The following CCDC85C variants were observed in gnomAD, a reference collection of about 807,000 sequenced individuals.
CCDC85C encodes the protein coiled-coil domain containing 85C.
CCDC85C carries 18 observed loss-of-function variants against 38.3 expected under a neutral mutation model. The ratio of observed to expected loss-of-function variants is 0.47; its 90% CI spans 0.33 to 0.70. The LOEUF (loss-of-function observed/expected upper bound fraction) is 0.70, where lower values mean the gene tolerates loss of function less well. Among genes scored for constraint, CCDC85C ranks in the 30% least tolerant of loss-of-function variants. CCDC85C has a pLI of 0.03. For synonymous variants in CCDC85C, 264 were observed against 293.8 expected, an observed-to-expected ratio of 0.90 and a Z score of 1.04; for missense variants, 566 against 621.2, an observed-to-expected ratio of 0.91 and a Z score of 0.94.
intron 1 of CCDC85C, among the ~76,000 whole-genome samples, chr14:99,551,085 G>T (rs12372922): frequency 6.6e-6 from 1 of 152,094 alleles, no homozygotes; most frequent in Admixed American, 6.5e-5. Flanking sequence ...GTTTTGTAGA[G>T]CATGAAGTAC....
chr14:99,590,525 C>G (rs2055074453), intron 1 of CCDC85C, among the ~76,000 whole-genome samples: 1 of 151,894 alleles, frequency 6.6e-6, no homozygotes, highest in Non-Finnish European at 1.5e-5. Context: ...TGCCACAGCT[C>G]CCCCTACCAT....
chr14:99,581,781 T>A (rs917707765), intron 1 of CCDC85C, among the ~76,000 whole-genome samples: 2 of 152,214 alleles, frequency 1.3e-5, no homozygotes, highest in Non-Finnish European at 2.9e-5. Context: ...TGGCCCCAGA[T>A]GTGAGCAGCT....
intron 1 of CCDC85C, among the ~76,000 whole-genome samples, chr14:99,547,832 A>ATG (rs1383802133): frequency 3.3e-5 from 5 of 151,974 alleles, no homozygotes; most frequent in Admixed American, 2.0e-4. Context: ...TTATGGGTAT[A>ATG]TGTGTGTGTG....
At chr14:99,536,521 C>T (rs1436757901) in intron 1 of CCDC85C, among the ~76,000 whole-genome samples, 1 of 148,182 alleles carries the variant, frequency 6.7e-6, no homozygotes, top group East Asian at 2.1e-4. Flanking sequence ...ACCCCAGGGT[C>T]GGGGTCCGGG....
Position 99,502,591 on chromosome 14 carries a change from A to T in CCDC85C, c.*12655T>A, listed in dbSNP as rs564304207. 5 of 1,201,676 alleles carry T rather than the reference A, an allele frequency of 4.2e-6. No homozygotes were observed. The East Asian group carries it at 1.3e-4, about 31-fold the overall frequency. The allele number at this position is 1,201,676 out of a possible 1,614,324, so 74.4% of individuals were successfully genotyped here. On this transcript the variant is annotated 3_prime_UTR_variant, in exon 6 of 6. Coordinates refer to ENST00000380243, the MANE Select transcript of CCDC85C (RefSeq NM_001144995.2). ...CACACCAGTGTTGCACACAACGAAG[A>T]TGGGGTGAGTTGTAAATGTGATTCA...
In CCDC85C at chr14:99,544,962, C is replaced by A. The variant is rs1897779979; in HGVS notation, c.794-8874G>T. ...GAGCTGCCATGACCGGAGCCCCACA[C>A]TCTCCATCTCACACTTCCACAGCCG... On this transcript the variant is annotated intron_variant, in intron 1 of 5. Coordinates refer to ENST00000380243, the MANE Select transcript of CCDC85C (RefSeq NM_001144995.2). This position sits in a 1 kb window ranked among gnomAD's most constrained non-coding sequence, Gnocchi z 5.3. Among the ~76,000 whole-genome samples the A allele has an allele frequency of 6.6e-6, 1 of 152,178 alleles. No individual in the cohort carries two copies. Among genetic ancestry groups the A allele is most frequent in the Non-Finnish European group, 1.5e-5 (1 of 68,030 alleles).
rs2055232336 is a variant in CCDC85C, at chr14:99,603,478, G to A, written c.482C>T (p.Thr161Met). Residue 161 changes from threonine to methionine, a missense_variant, in exon 1 of 6, where the codon ACG becomes ATG. Thr to Met is a moderately conservative substitution (Grantham distance 81, BLOSUM62 -1). This residue lies in a region of CCDC85C where 269 missense variants were observed against 308.2 expected (regional missense o/e 0.87). Transcript: ENST00000380243. This position sits in a 1 kb window ranked among gnomAD's most constrained non-coding sequence, Gnocchi z 7.5. ...LDEERAALAA[T>M]GAASGGGGGG... ...GCCGCCGCCACCGCTTGCGGCCCCCGTCGCCGCCAGTGCCGCGCGCTCCTC... is the reference window on the plus strand; with the variant it reads ...GCCGCCGCCACCGCTTGCGGCCCCCATCGCCGCCAGTGCCGCGCGCTCCTC... 1 of 1,289,628 alleles carries A rather than the reference G, an allele frequency of 7.8e-7. No individual in the cohort carries two copies. The highest frequency in any genetic ancestry group is 9.7e-7 in the Non-Finnish European group (1 of 1,025,938). The allele number at this position is 1,289,628 out of a possible 1,614,324, so 79.9% of individuals were successfully genotyped here.
intron 1 of CCDC85C, among the ~76,000 whole-genome samples, chr14:99,573,167 C>T (rs753826291): frequency 2.0e-5 from 3 of 152,218 alleles, no homozygotes; most frequent in Non-Finnish European, 2.9e-5. Context: ...TCGGAGTCCC[C>T]GCGGGACCTG....
intron 1 of CCDC85C, among the ~76,000 whole-genome samples, chr14:99,555,584 T>C (rs964636568): frequency 6.6e-6 from 1 of 152,130 alleles, no homozygotes; most frequent in African/African-American, 2.4e-5. Flanking sequence ...TCCACGCTGA[T>C]AAAAAGGCAT....
At chr14:99,542,322 G>T (rs568213297) in intron 1 of CCDC85C, among the ~76,000 whole-genome samples, 1 of 152,344 alleles carries the variant, frequency 6.6e-6, no homozygotes, top group African/African-American at 2.4e-5. Context: ...GGAGAACCGG[G>T]CTCCAGGCTC....
In CCDC85C at chr14:99,502,830, C is replaced by T. The variant is rs200034824; in HGVS notation, c.*12416G>A. ...TCTCTTCAGCCTACACCACAAGTGCCGCAAGTACAGCAGTCACAGCCGTCT... is the reference window on the plus strand; with the variant it reads ...TCTCTTCAGCCTACACCACAAGTGCTGCAAGTACAGCAGTCACAGCCGTCT... On this transcript the variant is annotated 3_prime_UTR_variant, in exon 6 of 6. Transcript: ENST00000380243. 1.0e-4 allele frequency: 163 copies of T among 1,613,686 alleles called. 1 individual carries two copies. The highest frequency in any genetic ancestry group is 1.8e-4 in the South Asian group (16 of 91,042).
At chr14:99,521,424 G>A (rs1331085865) in intron 3 of CCDC85C, among the ~76,000 whole-genome samples, 1 of 152,196 alleles carries the variant, frequency 6.6e-6, no homozygotes, top group Non-Finnish European at 1.5e-5. Flanking sequence ...GGGGTGCAGG[G>A]AAGAGAGCAG....
At position 99,603,533 on chromosome 14, in the gene CCDC85C, C is replaced by G. The variant is rs778636735; in HGVS notation, c.427G>C (p.Glu143Gln). Residue 143 changes from glutamate to glutamine, a missense_variant, in exon 1 of 6, where the codon GAG (glutamate) becomes CAG (glutamine). By Grantham distance (29) the Glu-to-Gln change is conservative (BLOSUM62 2). Around this residue, in one of 3 missense-constraint regions of CCDC85C, gnomAD observed 269 missense variants for 308.2 expected, o/e 0.87. Transcript: ENST00000380243. The surrounding 1 kb of genome is among the most constrained non-coding windows in gnomAD (Gnocchi z 7.5). The part of the protein sequence containing the change: ...RQEALLRENL[E>Q]LKELVLLLDE... ...AGCAGCAGCACCAGCTCCTTGAGCTCCAGGTTCTCGCGCAGCAGGGCCTCC... is the reference window on the plus strand; with the variant it reads ...AGCAGCAGCACCAGCTCCTTGAGCTGCAGGTTCTCGCGCAGCAGGGCCTCC... 8.7e-6 allele frequency: 12 copies of G among 1,380,234 alleles called. No individual in the cohort carries two copies. The South Asian group carries it at 2.0e-4, about 22-fold the overall frequency. The allele number at this position is 1,380,234 out of a possible 1,614,324, so 85.5% of individuals were successfully genotyped here.
At chr14:99,555,787 C>T (rs10150385) in intron 1 of CCDC85C, among the ~76,000 whole-genome samples, 81,751 of 151,994 alleles carry the variant, frequency 0.54, 22,244 homozygotes, top group African/African-American at 0.61. Context: ...TCTCCAAGAG[C>T]CTCCCGCAAA....
chr14:99,591,079 T>C (rs1595106063), intron 1 of CCDC85C, among the ~76,000 whole-genome samples: 1 of 152,152 alleles, frequency 6.6e-6, no homozygotes, highest in East Asian at 1.9e-4. Flanking sequence ...AAAGCCCTAG[T>C]GACAAGGCCA....
intron 1 of CCDC85C, among the ~76,000 whole-genome samples, chr14:99,538,164 C>T (rs1897642364): frequency 6.6e-6 from 1 of 152,186 alleles, no homozygotes; most frequent in Non-Finnish European, 1.5e-5. Context: ...CAGCTACCAT[C>T]CTCATTTTCC....
rs747181950 is a variant in CCDC85C, at chr14:99,510,246, C to G, written c.*5000G>C. The G allele has an allele frequency of 3.2e-6, 5 of 1,581,614 alleles. No individual in the cohort carries two copies. Among genetic ancestry groups the G allele is most frequent in the Non-Finnish European group, 4.3e-6 (5 of 1,168,896 alleles). The stretch of plus-strand genomic sequence containing the variant: ...TGACCTCCCCAAAGTCCAGATTCCC[C>G]CTCCGGCCCACCCGGCCCCTGTGCA... On this transcript the variant is annotated 3_prime_UTR_variant, in exon 6 of 6. Coordinates refer to ENST00000380243, the MANE Select transcript of CCDC85C (RefSeq NM_001144995.2).
At chr14:99,563,658 C>T (rs542395225) in intron 1 of CCDC85C, among the ~76,000 whole-genome samples, 4 of 152,352 alleles carry the variant, frequency 2.6e-5, no homozygotes, top group East Asian at 3.9e-4. Flanking sequence ...TCCCACGAGG[C>T]GGGCAGAAGG....
chr14:99,563,777 T>C (rs1389483003), intron 1 of CCDC85C, among the ~76,000 whole-genome samples: 1 of 152,138 alleles, frequency 6.6e-6, no homozygotes, highest in African/African-American at 2.4e-5. Context: ...CAAGGGGACA[T>C]GCAAAATGGC....
Sources: allele counts gnomAD v4.1 joint callset (sites outside exome capture counted in the v4.1 genomes callset), GRCh38; gene constraint gnomAD v4.1.1; regional missense constraint gnomAD v4.1.1; non-coding constraint Gnocchi (gnomAD v3.1); transcripts MANE v1.5; gene names NCBI Gene and HGNC (gene_info 2026-07-23, HGNC 2026-07-21).